STON1: variants seen among roughly 807,000 people sequenced by gnomAD.
STON1 encodes the protein stonin 1.
In STON1, 79 loss-of-function variants were observed where a neutral mutation model predicts 60.9. That is an observed-to-expected ratio of 1.30 (90% CI 1.08 to 1.56). The LOEUF is 1.56. Among genes scored for constraint, STON1 ranks in the 40% most tolerant of loss-of-function variants. The pLI is 0.00. For synonymous variants in STON1, 363 were observed against 306.9 expected, an observed-to-expected ratio of 1.18 and a Z score of -1.91; for missense variants, 1,166 against 858.9, an observed-to-expected ratio of 1.36 and a Z score of -4.47.
At chr2:48,575,199 C>T (rs1221814504) in intron 1 of STON1, among the ~76,000 whole-genome samples, 2 of 152,176 alleles carry the variant, frequency 1.3e-5, no homozygotes, top group African/African-American at 4.8e-5. Flanking sequence ...GAATTTTCTT[C>T]CTTTTAATAC....
At chr2:48,562,418 C>T (rs539482687) in intron 1 of STON1, among the ~76,000 whole-genome samples, 16 of 152,272 alleles carry the variant, frequency 1.1e-4, no homozygotes, top group East Asian at 9.7e-4. Flanking sequence ...GTAGCAATGG[C>T]GAATGCTGAT....
chr2:48,587,284 T>G (rs1339232092), intron 2 of STON1, among the ~76,000 whole-genome samples: 1 of 86,756 alleles, frequency 1.2e-5, no homozygotes, highest in Non-Finnish European at 2.5e-5. Context: ...CTCCCATGAG[T>G]ATTTATTTAT....
intron 1 of STON1, 31 bp from the exon 2 acceptor site, chr2:48,580,556 C>A: frequency 1.5e-6 from 2 of 1,318,264 alleles, no homozygotes; most frequent in Non-Finnish European, 1.9e-6. Context: ...TTTTATATAC[C>A]TATTTTCTCT....
intron 1 of STON1, among the ~76,000 whole-genome samples, chr2:48,576,587 C>G (rs1673513525): frequency 6.6e-6 from 1 of 150,830 alleles, no homozygotes; most frequent in Non-Finnish European, 1.5e-5. Flanking sequence ...TTTGCATTGT[C>G]CTGATGATTA....
intron 1 of STON1, among the ~76,000 whole-genome samples, chr2:48,577,745 A>C (rs1673599997): frequency 6.7e-6 from 1 of 149,944 alleles, no homozygotes; most frequent in South Asian, 2.1e-4. Flanking sequence ...CCTCCTGAGT[A>C]GCTGGGATTA....
chr2:48,567,736 C>T (rs1482367365), intron 1 of STON1, among the ~76,000 whole-genome samples: 1 of 152,094 alleles, frequency 6.6e-6, no homozygotes, highest in African/African-American at 2.4e-5. Flanking sequence ...CATAGCAAGC[C>T]CTTAAGAAAA....
At chr2:48,542,938 G>C (rs1035736643) in intron 1 of STON1, among the ~76,000 whole-genome samples, 1 of 150,596 alleles carries the variant, frequency 6.6e-6, no homozygotes, top group Non-Finnish European at 1.5e-5. Flanking sequence ...AGACACTTTT[G>C]GGGAGTGGCC....
intron 1 of STON1, among the ~76,000 whole-genome samples, chr2:48,557,258 C>T (rs1482572646): frequency 8.3e-5 from 5 of 60,570 alleles, no homozygotes; most frequent in Admixed American, 1.6e-4. Flanking sequence ...ACTTCTCAGA[C>T]GGGGCGGCCG....
chr2:48,533,468 C>T (rs557984499), intron 1 of STON1, among the ~76,000 whole-genome samples: 4 of 151,094 alleles, frequency 2.6e-5, no homozygotes, highest in South Asian at 2.1e-4. Flanking sequence ...GCAGGTGGAT[C>T]GCCTGAGGTC....
chr2:48,571,186 C>T (rs992252074), intron 1 of STON1, among the ~76,000 whole-genome samples: 8 of 152,128 alleles, frequency 5.3e-5, no homozygotes, highest in African/African-American at 1.9e-4. Flanking sequence ...GAATTGTCCT[C>T]TAGGAGTTTG....
intron 1 of STON1, among the ~76,000 whole-genome samples, chr2:48,565,932 A>G (rs919459948): frequency 1.3e-5 from 2 of 152,224 alleles, no homozygotes; most frequent in African/African-American, 4.8e-5. Context: ...GATAATAAGG[A>G]TAAAATTCTA....
At chr2:48,544,648 C>T (rs539127979) in intron 1 of STON1, among the ~76,000 whole-genome samples, 3 of 152,266 alleles carry the variant, frequency 2.0e-5, no homozygotes, top group East Asian at 1.9e-4. Context: ...CAGGTTCAAG[C>T]GATCCTCCTG....
chr2:48,550,912 A>G (rs1362420139), intron 1 of STON1, among the ~76,000 whole-genome samples: 11 of 152,008 alleles, frequency 7.2e-5, no homozygotes, highest in Non-Finnish European at 2.9e-5. Context: ...TTTTTGTTCA[A>G]CCTCTAAGTG....
At chr2:48,542,901 C>T (rs1194028433) in intron 1 of STON1, among the ~76,000 whole-genome samples, 1 of 149,066 alleles carries the variant, frequency 6.7e-6, no homozygotes, top group African/African-American at 2.5e-5. Context: ...GAGACTCTGT[C>T]TCAAAAAAAA....
intron 1 of STON1, among the ~76,000 whole-genome samples, chr2:48,563,174 A>C: frequency 6.6e-6 from 1 of 152,230 alleles, no homozygotes; most frequent in East Asian, 1.9e-4. Context: ...TCCCATGGGA[A>C]ATCCCCTGAT....
intron 1 of STON1, among the ~76,000 whole-genome samples, chr2:48,570,988 G>A (rs541913719): frequency 1.3e-5 from 2 of 150,758 alleles, no homozygotes; most frequent in Non-Finnish European, 2.9e-5. Flanking sequence ...TCAGCCTCCC[G>A]AGTAGCTGTG....
rs533361887 is a variant in STON1 at position 48,595,405 on chromosome 2, G to A, written c.*103G>A. On this transcript the variant is annotated 3_prime_UTR_variant, in exon 4 of 4. Transcript: ENST00000404752. The stretch of plus-strand genomic sequence containing the variant: ...AGAGTGGAAATGACTTCTGAATAGC[G>A]GTTTTAGGACAGGTCTGATGGCTGT... 4.5e-5 allele frequency: 45 copies of A among 991,914 alleles called. No individual in the cohort carries two copies. The highest frequency in any genetic ancestry group is 3.5e-4 in the South Asian group (24 of 68,636). 61.4% of individuals were successfully genotyped at this position (991,914 alleles called of 1,614,324 possible).
rs1673839646 is a variant in STON1 at position 48,580,890 on chromosome 2, A to G, written c.257A>G (p.Lys86Arg). The change falls in exon 2 of 4, where the codon AAA (lysine) becomes AGA (arginine). Residue 86 changes from lysine to arginine, a missense_variant. Transcript: ENST00000404752. Reference sequence around the variant, plus strand: ...AACTCTCCTCTTTCTACACCTACCAAAGACTTCCCAGGTTTTCCTGGCATC... The same window carrying G: ...AACTCTCCTCTTTCTACACCTACCAGAGACTTCCCAGGTTTTCCTGGCATC... ...PSNSPLSTPTKDFPGFPGIPK... is the reference protein window; with the variant it reads ...PSNSPLSTPTRDFPGFPGIPK... The G allele has an allele frequency of 1.9e-5, 30 of 1,590,892 alleles. No homozygotes were observed. Among genetic ancestry groups the G allele is most frequent in the Non-Finnish European group, 2.5e-5 (29 of 1,170,726 alleles).
In STON1 at chr2:48,595,559, AG is replaced by A; in HGVS notation, c.*259del. ...TGTTTTGCTTCCTATTGAAACTCAAAGGCACTGTTACTCGTTGTGTGACCCC... is the reference window on the plus strand; with the variant it reads ...TGTTTTGCTTCCTATTGAAACTCAAAGCACTGTTACTCGTTGTGTGACCCC... On this transcript the variant is annotated 3_prime_UTR_variant, in exon 4 of 4. Transcript: ENST00000404752. 2.3e-6 allele frequency: 1 copy of A among 434,608 alleles called. No individual in the cohort carries two copies. The highest frequency in any genetic ancestry group is 4.6e-5 in the East Asian group (1 of 21,714). The allele number at this position is 434,608 out of a possible 1,614,324, so 26.9% of individuals were successfully genotyped here.
Sources: gnomAD v4.1 joint callset for allele counts (sites outside exome capture counted in the v4.1 genomes callset) on GRCh38, gnomAD v4.1.1 for gene constraint, MANE v1.5 for transcripts, NCBI Gene and HGNC (gene_info 2026-07-23, HGNC 2026-07-21) for gene names.